HYOU1: variants seen among roughly 807,000 people sequenced by gnomAD.
The protein encoded by HYOU1 is hypoxia up-regulated 1.
A neutral mutation model predicts 120.5 loss-of-function variants in HYOU1; 40 were observed. That is an observed-to-expected ratio of 0.33 (90% CI 0.26 to 0.43). The LOEUF is 0.43. Ranked by LOEUF, HYOU1 falls within the 20% of genes least tolerant of loss-of-function variation. HYOU1 has a pLI of 1.00. For missense variants in HYOU1, 1,085 were observed against 1,278.3 expected, an observed-to-expected ratio of 0.85 and a Z score of 2.31; for synonymous variants, 501 against 479.4, an observed-to-expected ratio of 1.05 and a Z score of -0.59.
In HYOU1 at chr11:119,051,007, T is replaced by C; in HGVS notation, c.1665+28A>G. The C allele has an allele frequency of 6.2e-7, 1 of 1,613,460 alleles. No individual in the cohort carries two copies. The highest frequency in any genetic ancestry group is 8.5e-7 in the Non-Finnish European group (1 of 1,179,552). Reference sequence around the variant, plus strand: ...GCTGGCAGGGCCTGAGCCCCTGCTCTGCACACAGGGTATCCTTTAGCTCTC... The same window carrying C: ...GCTGGCAGGGCCTGAGCCCCTGCTCCGCACACAGGGTATCCTTTAGCTCTC... On this transcript the variant is annotated intron_variant, in intron 14 of 25. Transcript: ENST00000617285. This position sits in a 1 kb window ranked among gnomAD's most constrained non-coding sequence, Gnocchi z 4.2.
In HYOU1 at chr11:119,048,404, C is replaced by G; in HGVS notation, c.2254-34G>C. On this transcript the variant is annotated intron_variant, in intron 19 of 25. Coordinates refer to ENST00000617285, the MANE Select transcript of HYOU1 (RefSeq NM_006389.5). This position sits in a 1 kb window ranked among gnomAD's most constrained non-coding sequence, Gnocchi z 4.7. ...GGGGACATGTAAACACATGCACCCACAAGCCCAGAGGCAAGGCCCACAGAG... is the reference window on the plus strand; with the variant it reads ...GGGGACATGTAAACACATGCACCCAGAAGCCCAGAGGCAAGGCCCACAGAG... 6.2e-7 allele frequency: 1 copy of G among 1,610,876 alleles called. No individual in the cohort carries two copies. The highest frequency in any genetic ancestry group is 8.5e-7 in the Non-Finnish European group (1 of 1,179,536).
Position 119,046,629 on chromosome 11 carries a change from C to G in HYOU1, c.2769G>C (p.Gly923=). The G allele has an allele frequency of 6.2e-7, 1 of 1,614,212 alleles. No homozygotes were observed. Among genetic ancestry groups the G allele is most frequent in the Non-Finnish European group, 8.5e-7 (1 of 1,180,036 alleles). ...KPRPRPKDKN[G]TRAEPPLNAS... is the part of the protein sequence containing the mutation. ...CATTGAGGGGTGGCTCTGCCCGGGT[C>G]CCATTCTTGTCCTTAGGCCGGGGCC... Residue 923 remains glycine, a synonymous_variant, in exon 23 of 26, where the codon GGG becomes GGC. Coordinates refer to ENST00000617285, the MANE Select transcript of HYOU1 (RefSeq NM_006389.5).
chr11:119,056,013 C>G, intron 2 of HYOU1, 57 bp downstream of exon 2: 1 of 1,504,200 alleles, frequency 6.6e-7, no homozygotes. Context: ...GCTCAATTCC[C>G]ATCATGCATC....
chr11:119,056,406 C>T (rs1264452858), intron 1 of HYOU1: 4 of 609,052 alleles, frequency 6.6e-6, no homozygotes, highest in Non-Finnish European at 9.2e-6. Flanking sequence ...TGCCACATCC[C>T]TAAACAGAGA....
At chr11:119,054,365 G>A in intron 7 of HYOU1, 129 bp from the exon 8 acceptor site, 1 of 1,194,798 alleles carries the variant, frequency 8.4e-7, no homozygotes, top group South Asian at 1.3e-5. Flanking sequence ...ACAGGGGCTG[G>A]GAGGAGGCTA....
intron 6 of HYOU1, 145 bp downstream of exon 6, chr11:119,054,839 C>G: frequency 2.0e-6 from 2 of 1,022,332 alleles, no homozygotes; most frequent in Non-Finnish European, 2.9e-6. Flanking sequence ...CACTAGATAG[C>G]AGGTGCACCC....
In HYOU1 at chr11:119,056,095, G is replaced by A; in HGVS notation, c.66C>T (p.Leu22=). The change falls in exon 2 of 26, where the codon CTC becomes CTT. Residue 22 remains leucine (L), a synonymous_variant. Transcript: ENST00000617285. ...RRVCWALVAV[L]LADLLALSDT... ...CACTCAGTGCCAACAGGTCTGCCAAGAGCACAGCCACCAAGGCCCAACAGA... is the reference window on the plus strand; with the variant it reads ...CACTCAGTGCCAACAGGTCTGCCAAAAGCACAGCCACCAAGGCCCAACAGA... The A allele has an allele frequency of 6.2e-7, 1 of 1,614,080 alleles. No individual in the cohort carries two copies.
intron 25 of HYOU1, 48 bp downstream of exon 25, chr11:119,045,733 C>T (rs2133544168): frequency 1.9e-6 from 3 of 1,613,524 alleles, no homozygotes; most frequent in South Asian, 2.2e-5. Flanking sequence ...CAAAGGATTT[C>T]CTGAGACCCC....
intron 15 of HYOU1, 71 bp from the exon 16 acceptor site, chr11:119,049,706 A>G: frequency 6.2e-7 from 1 of 1,606,324 alleles, no homozygotes; most frequent in Non-Finnish European, 8.5e-7. Context: ...CCCAAGGGCC[A>G]TGCCCTGTCC....
rs1211964710 is a variant in HYOU1, at chr11:119,055,781, G to C, written c.154C>G (p.Pro52Ala). The C allele has an allele frequency of 6.2e-7, 1 of 1,613,938 alleles. No individual in the cohort carries two copies. Among genetic ancestry groups the C allele is most frequent in the East Asian group, 2.2e-5 (1 of 44,902 alleles). ...AAGACAATTTCCATGGGCACTCCAGGTTTGACAATGGCCACCTTCATGGAC... is the reference window on the plus strand; with the variant it reads ...AAGACAATTTCCATGGGCACTCCAGCTTTGACAATGGCCACCTTCATGGAC... ...SESMKVAIVK[P>A]GVPMEIVLNK... The change falls in exon 3 of 26, where the codon CCT (proline) becomes GCT (alanine). Residue 52 changes from proline (P) to alanine (A), a missense_variant. Around this residue, in one of 4 missense-constraint regions of HYOU1, gnomAD observed 9 missense variants for 34.3 expected, o/e 0.26. Transcript: ENST00000617285. This position sits in a 1 kb window ranked among gnomAD's most constrained non-coding sequence, Gnocchi z 4.0.
rs141477322 is a variant in HYOU1 at position 119,052,817 on chromosome 11, G to T, written c.807C>A (p.Thr269=). 35 of 1,613,386 alleles carry T rather than the reference G, an allele frequency of 2.2e-5. No individual in the cohort carries two copies. Among genetic ancestry groups the T allele is most frequent in the Non-Finnish European group, 2.8e-5 (33 of 1,179,802 alleles). The part of the protein sequence containing the change: ...LQIRGVGFDR[T]LGGLEMELRL... ...GGAGCTCCATCTCCAGGCCCCCCAGGGTACGGTCAAATCTGTTGAGAAAAG... is the reference window on the plus strand; with the variant it reads ...GGAGCTCCATCTCCAGGCCCCCCAGTGTACGGTCAAATCTGTTGAGAAAAG... The change falls in exon 9 of 26, where the codon ACC becomes ACA. Residue 269 remains threonine, a synonymous_variant. Transcript: ENST00000617285. The surrounding 1 kb of genome is among the most constrained non-coding windows in gnomAD (Gnocchi z 5.0).
rs1055746399 is a variant in HYOU1 at position 119,052,172 on chromosome 11, C to G, written c.1123G>C (p.Asp375His). Reference protein sequence around the residue: ...QALQSAEMSLDEIEQVILVGG... With the variant: ...QALQSAEMSLHEIEQVILVGG... ...ACCAGGATCACCTGCTCAATCTCATCCTGCAGTGGGTAAGAATGACAGGTG... is the reference window on the plus strand; with the variant it reads ...ACCAGGATCACCTGCTCAATCTCATGCTGCAGTGGGTAAGAATGACAGGTG... The change falls in exon 11 of 26, where the codon GAT (aspartate) becomes CAT (histidine). Residue 375 changes from aspartate (D) to histidine (H), a missense_variant and splice_region_variant. This residue lies in a region of HYOU1 where 515 missense variants were observed against 677.8 expected (regional missense o/e 0.76). Coordinates refer to ENST00000617285, the MANE Select transcript of HYOU1 (RefSeq NM_006389.5). This position sits in a 1 kb window ranked among gnomAD's most constrained non-coding sequence, Gnocchi z 5.0. 1 of 1,614,092 alleles carries G rather than the reference C, an allele frequency of 6.2e-7. No individual in the cohort carries two copies. Among genetic ancestry groups the G allele is most frequent in the Admixed American group, 1.7e-5 (1 of 60,006 alleles).
rs2133567799 is a variant in HYOU1 at position 119,048,846 on chromosome 11, G to A, written c.2033C>T (p.Ala678Val). Residue 678 changes from alanine (A) to valine (V), a missense_variant, in exon 18 of 26, where the codon GCT (alanine) becomes GTT (valine). This residue lies in a region of HYOU1 where 516 missense variants were observed against 517.1 expected (regional missense o/e 1.00). Coordinates refer to ENST00000617285, the MANE Select transcript of HYOU1 (RefSeq NM_006389.5). The surrounding 1 kb of genome is among the most constrained non-coding windows in gnomAD (Gnocchi z 4.7). Reference sequence around the variant, plus strand: ...CTTCTTCTCTCCCTCTGGGGCTGGAGCGACGCCCTCAGGCCCTGCCTCTGC... The same window carrying A: ...CTTCTTCTCTCCCTCTGGGGCTGGAACGACGCCCTCAGGCCCTGCCTCTGC... ...EKAEAGPEGV[A>V]PAPEGEKKQK... The A allele has an allele frequency of 6.2e-7, 1 of 1,613,456 alleles. No individual in the cohort carries two copies.
At position 119,054,131 on chromosome 11, in the gene HYOU1, G is replaced by T. The variant is rs2133603028; in HGVS notation, c.784C>A (p.Arg262=). Residue 262 remains arginine, a synonymous_variant, in exon 8 of 26, where the codon CGG becomes AGG. Transcript: ENST00000617285. Reference sequence around the variant, plus strand: ...CAAGTATCCACTTACCCTACTCCCCGGATCTGCAGCTGTGGCTGCATCCCA... The same window carrying T: ...CAAGTATCCACTTACCCTACTCCCCTGATCTGCAGCTGTGGCTGCATCCCA... ...EAGMQPQLQI[R]GVGFDRTLGG... 11 of 1,609,814 alleles carry T rather than the reference G, an allele frequency of 6.8e-6. No homozygotes were observed. Among genetic ancestry groups the T allele is most frequent in the Non-Finnish European group, 9.4e-6 (11 of 1,176,244 alleles).
chr11:119,056,184 A>G lies in HYOU1; in HGVS notation c.-7-17T>C, dbSNP rs782327072. On this transcript the variant is annotated splice_polypyrimidine_tract_variant and intron_variant, in intron 1 of 25. Transcript: ENST00000617285. Reference sequence around the variant, plus strand: ...ATAGTGCCCCTGGGGGAGGCGAAGAAAGAAAACACTTAAAACTGGATACCC... The same window carrying G: ...ATAGTGCCCCTGGGGGAGGCGAAGAGAGAAAACACTTAAAACTGGATACCC... 1.3e-6 allele frequency: 2 copies of G among 1,567,806 alleles called. No homozygotes were observed. The highest frequency in any genetic ancestry group is 2.2e-5 in the South Asian group (2 of 90,144).
In HYOU1 at chr11:119,052,018, G is replaced by T. The variant is rs1944472634; in HGVS notation, c.1206-67C>A. The T allele has an allele frequency of 6.2e-7, 1 of 1,613,238 alleles. No homozygotes were observed. The highest frequency in any genetic ancestry group is 8.5e-7 in the Non-Finnish European group (1 of 1,179,448). On this transcript the variant is annotated intron_variant, in intron 11 of 25. Transcript: ENST00000617285. This position sits in a 1 kb window ranked among gnomAD's most constrained non-coding sequence, Gnocchi z 5.0. Reference sequence around the variant, plus strand: ...TGCAACCGGGACTTCCCTCCCCTCAGCCCTCCAGCTGCTCAGCCCAAAGCC... The same window carrying T: ...TGCAACCGGGACTTCCCTCCCCTCATCCCTCCAGCTGCTCAGCCCAAAGCC...
At chr11:119,046,343 G>A in intron 24 of HYOU1, 74 bp downstream of exon 24, 1 of 1,366,352 alleles carries the variant, frequency 7.3e-7, no homozygotes, top group South Asian at 1.2e-5. Context: ...CTAGAAACAG[G>A]CTGTGCCTGC....
rs2133610005 is a variant in HYOU1 at position 119,055,096 on chromosome 11, C to G, written c.420-36G>C. ...GGAAGGTAGTTGGAGCCAAGGAAAG[C>G]CAGGCATTAAGGCAGGACAATCAGG... On this transcript the variant is annotated intron_variant, in intron 5 of 25. Coordinates refer to ENST00000617285, the MANE Select transcript of HYOU1 (RefSeq NM_006389.5). The surrounding 1 kb of genome is among the most constrained non-coding windows in gnomAD (Gnocchi z 4.0). The G allele has an allele frequency of 1.2e-6, 2 of 1,613,610 alleles. No homozygotes were observed. Among genetic ancestry groups the G allele is most frequent in the South Asian group, 2.2e-5 (2 of 91,080 alleles).
In HYOU1 at chr11:119,051,097, C is replaced by T. The variant is rs2133582495; in HGVS notation, c.1603G>A (p.Glu535Lys). The change falls in exon 14 of 26, where the codon GAG becomes AAG. Residue 535 changes from glutamate to lysine, a missense_variant. By Grantham distance (56) the Glu-to-Lys change is moderately conservative. This residue lies in a region of HYOU1 where 515 missense variants were observed against 677.8 expected (regional missense o/e 0.76). Transcript: ENST00000617285. This position sits in a 1 kb window ranked among gnomAD's most constrained non-coding sequence, Gnocchi z 4.2. The part of the protein sequence containing the change: ...GDSFKKYPDY[E>K]SKGIKAHFNL... ...AAGTGAGCCTTGATGCCCTTGGACTCGTAGTCAGGATACTTCTTGAAGCTG... is the reference window on the plus strand; with the variant it reads ...AAGTGAGCCTTGATGCCCTTGGACTTGTAGTCAGGATACTTCTTGAAGCTG... 1.9e-6 allele frequency: 3 copies of T among 1,614,074 alleles called. No homozygotes were observed. Among genetic ancestry groups the T allele is most frequent in the East Asian group, 2.2e-5 (1 of 44,888 alleles).
Sources: gnomAD v4.1 joint callset for allele counts on GRCh38, gnomAD v4.1.1 for gene constraint, gnomAD v4.1.1 regional missense constraint, Gnocchi (gnomAD v3.1) non-coding constraint, MANE v1.5 for transcripts, NCBI Gene and HGNC (gene_info 2026-07-23, HGNC 2026-07-21) for gene names.